NRXN1: variants seen among roughly 807,000 people sequenced by gnomAD.
The protein encoded by NRXN1 is neurexin-1.
In NRXN1, 39 loss-of-function variants were observed where a neutral mutation model predicts 150.9. The ratio of observed to expected loss-of-function variants is 0.26; its 90% CI spans 0.20 to 0.34. The LOEUF (loss-of-function observed/expected upper bound fraction) is 0.34. Among genes scored for constraint, NRXN1 ranks in the 10% least tolerant of loss-of-function variants. The pLI is 1.00. For missense variants in NRXN1, 1,815 were observed against 1,949.9 expected, an observed-to-expected ratio of 0.93 and a Z score of 1.30; for synonymous variants, 924 against 757.0, an observed-to-expected ratio of 1.22 and a Z score of -3.62.
At chr2:50,453,256 T>G (rs1392503556) in intron 17 of NRXN1, among the ~76,000 whole-genome samples, 1 of 152,162 alleles carries the variant, frequency 6.6e-6, no homozygotes, top group African/African-American at 2.4e-5. Flanking sequence ...TTCAGAGCAC[T>G]ACCTCCCAGA....
intron 17 of NRXN1, among the ~76,000 whole-genome samples, chr2:50,314,780 G>T (rs1484595937): frequency 6.6e-6 from 1 of 152,018 alleles, no homozygotes; most frequent in East Asian, 1.9e-4. Flanking sequence ...TAATGCCGAA[G>T]ATCAGAGAAA....
chr2:50,200,861 C>T (rs772321846), intron 18 of NRXN1, among the ~76,000 whole-genome samples: 5 of 152,074 alleles, frequency 3.3e-5, no homozygotes, highest in Admixed American at 6.6e-5. Flanking sequence ...AACCTTCTCT[C>T]GTCTTCCTAT....
chr2:50,593,876 G>C (rs755199729), intron 8 of NRXN1, among the ~76,000 whole-genome samples: 2 of 152,166 alleles, frequency 1.3e-5, no homozygotes, highest in African/African-American at 2.4e-5. Context: ...ACAGTTGCAT[G>C]AGGATGATAC....
At chr2:50,446,828 G>A (rs918740367) in intron 17 of NRXN1, among the ~76,000 whole-genome samples, 4 of 151,778 alleles carry the variant, frequency 2.6e-5, no homozygotes, top group East Asian at 1.9e-4. Context: ...TTTATAATTA[G>A]ACAAAAATGA....
chr2:50,623,789 T>G (rs528404021), intron 5 of NRXN1, among the ~76,000 whole-genome samples, 174 bp from the exon 6 acceptor site: 2 of 152,122 alleles, frequency 1.3e-5, no homozygotes, highest in African/African-American at 4.8e-5. Context: ...TTTTAAAAAA[T>G]TTTATTATTA....
At chr2:49,929,764 A>G (rs1669803531) in intron 22 of NRXN1, among the ~76,000 whole-genome samples, 1 of 152,244 alleles carries the variant, frequency 6.6e-6, no homozygotes, top group African/African-American at 2.4e-5. Flanking sequence ...ATCAACGAGT[A>G]TATAATGAGC....
chr2:50,713,314 A>C (rs940196213), intron 5 of NRXN1, among the ~76,000 whole-genome samples: 55 of 28,066 alleles, frequency 2.0e-3, no homozygotes, highest in African/African-American at 0.019. Flanking sequence ...ACTCTGTCTC[A>C]AAAAAAAAAA....
chr2:50,357,667 TC>T (rs1034696150), intron 17 of NRXN1, among the ~76,000 whole-genome samples: 44 of 152,286 alleles, frequency 2.9e-4, no homozygotes, highest in African/African-American at 9.9e-4. Context: ...TTTCCGATTT[TC>T]TGTGCAGTGT....
chr2:50,334,296 T>C (rs2077045114), intron 17 of NRXN1, among the ~76,000 whole-genome samples: 4 of 151,156 alleles, frequency 2.6e-5, no homozygotes, highest in Non-Finnish European at 5.9e-5. Flanking sequence ...AAGTCATTCA[T>C]TCAATAGTAA....
intron 17 of NRXN1, among the ~76,000 whole-genome samples, chr2:50,341,886 T>TATACATAA (rs2077572399): frequency 1.3e-5 from 2 of 152,326 alleles, no homozygotes; most frequent in South Asian, 2.1e-4. Flanking sequence ...GATTGCTACA[T>TATACATAA]ATACATAAAC....
intron 17 of NRXN1, among the ~76,000 whole-genome samples, chr2:50,376,366 TGA>T (rs914292338): frequency 1.2e-4 from 15 of 124,202 alleles, no homozygotes; most frequent in Admixed American, 7.9e-5. Flanking sequence ...TGAAGCAAAA[TGA>T]AAAAAAAAAA....
chr2:50,357,590 G>GATTAC (rs2078911191), intron 17 of NRXN1, among the ~76,000 whole-genome samples: 1 of 152,142 alleles, frequency 6.6e-6, no homozygotes, highest in Non-Finnish European at 1.5e-5. Flanking sequence ...TTACAGGCAT[G>GATTAC]AGCTACCGCG....
Position 50,393,443 on chromosome 2 carries a change from T to G in NRXN1, c.3364+71999A>C, listed in dbSNP as rs1402642506. 3.3e-5 allele frequency among the ~76,000 whole-genome samples: 5 copies of G among 152,156 alleles called. No homozygotes were observed. In the East Asian group the frequency reaches 9.7e-4, roughly 30 times the overall value. ...TTCAGGGAGAAGGATTACAGGATAG[T>G]GTGCTGTTTTCAAAATACACAAAAC... On this transcript the variant is annotated intron_variant, in intron 17 of 22. Coordinates refer to ENST00000401669, the MANE Select transcript of NRXN1 (RefSeq NM_001330078.2).
intron 17 of NRXN1, among the ~76,000 whole-genome samples, chr2:50,302,307 A>G (rs1197426382): frequency 2.0e-5 from 3 of 152,106 alleles, no homozygotes; most frequent in African/African-American, 7.2e-5. Flanking sequence ...GCTTTAGATA[A>G]CTTTAATTAA....
At chr2:50,709,304 G>T (rs1010658576) in intron 5 of NRXN1, among the ~76,000 whole-genome samples, 7 of 152,080 alleles carry the variant, frequency 4.6e-5, no homozygotes, top group Non-Finnish European at 7.3e-5. Context: ...TCTTTATGGG[G>T]TTTACATTCT....
chr2:50,678,876 T>C (rs1689934369), intron 5 of NRXN1, among the ~76,000 whole-genome samples: 2 of 152,048 alleles, frequency 1.3e-5, no homozygotes, highest in African/African-American at 4.8e-5. Context: ...ATTTTACTGG[T>C]TTTAGACCCT....
intron 17 of NRXN1, among the ~76,000 whole-genome samples, chr2:50,379,708 A>C (rs1485569641): frequency 2.0e-5 from 3 of 152,178 alleles, no homozygotes; most frequent in African/African-American, 7.2e-5. Context: ...TTTAGAAAAA[A>C]ATAGAAGGGT....
At chr2:50,142,839 T>G (rs1050736622) in intron 18 of NRXN1, among the ~76,000 whole-genome samples, 16 of 151,698 alleles carry the variant, frequency 1.1e-4, no homozygotes, top group African/African-American at 3.9e-4. Flanking sequence ...TACAACAGAC[T>G]GAGCAAAAGC....
At chr2:50,123,603 T>C (rs755719341) in intron 18 of NRXN1, among the ~76,000 whole-genome samples, 1 of 152,124 alleles carries the variant, frequency 6.6e-6, no homozygotes, top group Non-Finnish European at 1.5e-5. Flanking sequence ...TGGGAATAGG[T>C]TGAAAAGCAT....
Sources: gnomAD v4.1 joint callset for allele counts (sites outside exome capture counted in the v4.1 genomes callset) on GRCh38, gnomAD v4.1.1 for gene constraint, MANE v1.5 for transcripts, NCBI Gene and HGNC (gene_info 2026-07-23, HGNC 2026-07-21) for gene names.